Variants in LINGO2 observed in about 807,000 individuals in gnomAD.
The protein encoded by LINGO2 is leucine-rich repeat and immunoglobulin-like domain-containing nogo receptor-interacting protein 2.
Under a neutral mutation model 30.6 loss-of-function variants are expected in LINGO2, and 14 were observed. The ratio of observed to expected loss-of-function variants is 0.46; its 90% CI spans 0.30 to 0.72. The LOEUF (loss-of-function observed/expected upper bound fraction) is 0.72, where lower values mean the gene tolerates loss of function less well. LINGO2 is among the 30% of genes least tolerant of loss of function. LINGO2 has a pLI of 0.07. For missense variants in LINGO2, 729 were observed against 751.7 expected (o/e 0.97, Z 0.35); for synonymous variants, 317 against 288.5 (o/e 1.10, Z -1.00).
the LINGO2 span, among the ~76,000 whole-genome samples, chr9:28,989,127 C>T: frequency 6.6e-6 from 1 of 152,096 alleles, no homozygotes; most frequent in Non-Finnish European, 1.5e-5. Context: ...TTATTTTCAC[C>T]ACCAGTACCT....
At chr9:29,162,425 G>T in the LINGO2 span, among the ~76,000 whole-genome samples, 3 of 152,122 alleles carry the variant, frequency 2.0e-5, no homozygotes, top group Non-Finnish European at 4.4e-5. Context: ...ATAACCTTCT[G>T]TAATAGGTTA....
At chr9:28,601,416 G>A (rs996733328) in intron 1 of LINGO2, among the ~76,000 whole-genome samples, 21 of 152,008 alleles carry the variant, frequency 1.4e-4, no homozygotes, top group Admixed American at 5.3e-4. Flanking sequence ...TTACTTCTGC[G>A]GTCTCTTGTT....
Position 28,559,909 on chromosome 9 carries a change from G to T in LINGO2, c.-364-83884C>A, listed in dbSNP as rs956013805. 8.4e-4 allele frequency among the ~76,000 whole-genome samples: 128 copies of T among 152,032 alleles called. 2 individuals carry two copies. Among genetic ancestry groups the T allele is most frequent in the Non-Finnish European group, 1.9e-4 (13 of 67,984 alleles). Reference sequence around the variant, plus strand: ...ATAATCCAGGGACTTACTTTCACCAGCTTAAAAATACTATAAAATCATCCT... The same window carrying T: ...ATAATCCAGGGACTTACTTTCACCATCTTAAAAATACTATAAAATCATCCT... On this transcript the variant is annotated intron_variant, in intron 1 of 5. Coordinates refer to ENST00000379992, the Ensembl canonical transcript of LINGO2.
At chr9:28,244,501 A>C (rs1388221956) in intron 4 of LINGO2, among the ~76,000 whole-genome samples, 1 of 152,166 alleles carries the variant, frequency 6.6e-6, no homozygotes, top group Non-Finnish European at 1.5e-5. Context: ...CCTTCAAAAA[A>C]TTAGTGAATC....
At chr9:28,884,920 TATATATAATATTATATATA>T in the LINGO2 span, among the ~76,000 whole-genome samples, 10,376 of 33,670 alleles carry the variant, frequency 0.31, 2,026 homozygotes, top group Middle Eastern at 0.45. Flanking sequence ...ATTTAGATAC[TATATATAATATTATATATA>T]ATATATATAA....
At chr9:28,000,609 A>C (rs1168984940) in intron 5 of LINGO2, among the ~76,000 whole-genome samples, 2 of 152,204 alleles carry the variant, frequency 1.3e-5, no homozygotes, top group Non-Finnish European at 2.9e-5. Context: ...CACCATATTC[A>C]ATCAGACAAA....
At chr9:28,518,079 T>G (rs1195731491) in intron 1 of LINGO2, among the ~76,000 whole-genome samples, 3 of 152,102 alleles carry the variant, frequency 2.0e-5, no homozygotes. Flanking sequence ...ATGTGATGTA[T>G]GGAGCAGAGT....
the LINGO2 span, among the ~76,000 whole-genome samples, chr9:29,058,001 G>T: frequency 2.0e-5 from 3 of 151,936 alleles, no homozygotes; most frequent in African/African-American, 7.3e-5. Flanking sequence ...AATAATCTAC[G>T]CAGAAATACA....
intron 4 of LINGO2, among the ~76,000 whole-genome samples, chr9:28,285,341 A>C (rs570175616): frequency 6.6e-6 from 1 of 151,684 alleles, no homozygotes; most frequent in South Asian, 2.1e-4. Context: ...GTCACTACCA[A>C]TATCTCCATA....
In LINGO2 at chr9:28,271,703, A is replaced by T. The variant is rs1344098850; in HGVS notation, c.-87+23505T>A. On this transcript the variant is annotated intron_variant, in intron 4 of 5. Transcript: ENST00000379992. ...CTTCATGTGGTATTCTGAATGGTGA[A>T]GAAGGAAGTCAAACGTGGCTGTACC... Among the ~76,000 whole-genome samples the T allele has an allele frequency of 2.0e-5, 3 of 152,148 alleles. No individual in the cohort carries two copies. In the East Asian group the frequency reaches 5.8e-4, roughly 29 times the overall value.
the LINGO2 span, among the ~76,000 whole-genome samples, chr9:28,777,273 T>G: frequency 6.6e-6 from 1 of 152,166 alleles, no homozygotes; most frequent in Admixed American, 6.5e-5. Context: ...GTTGAACAAT[T>G]GAGACTGAAT....
At chr9:28,670,922 G>A (rs1413380018), upstream of LINGO2, among the ~76,000 whole-genome samples, 1 of 151,992 alleles carries the variant, frequency 6.6e-6, no homozygotes, top group Non-Finnish European at 1.5e-5. Context: ...AGTATATACA[G>A]TATAAAATTA....
At chr9:28,545,517 T>C (rs79669666) in intron 1 of LINGO2, among the ~76,000 whole-genome samples, 1,675 of 152,078 alleles carry the variant, frequency 0.011, 45 homozygotes, top group East Asian at 0.096. Flanking sequence ...CTATAATATA[T>C]GGGAAGGTAC....
At chr9:28,098,213 A>T (rs927852613) in intron 4 of LINGO2, among the ~76,000 whole-genome samples, 18 of 151,998 alleles carry the variant, frequency 1.2e-4, no homozygotes, top group African/African-American at 4.3e-4. Flanking sequence ...GCTGAGGCAG[A>T]AGAATCGCTT....
At chr9:27,949,457 A>C in exon 6 of LINGO2, 1 of 1,614,080 alleles carries the variant, frequency 6.2e-7, no homozygotes, top group South Asian at 1.1e-5. Context: ...TTTTGCAGGT[A>C]AAGTAAAAAG....
At chr9:29,120,034 C>G in the LINGO2 span, among the ~76,000 whole-genome samples, 1 of 152,174 alleles carries the variant, frequency 6.6e-6, no homozygotes, top group East Asian at 1.9e-4. Context: ...ACTGATTGAA[C>G]CAGGTTGGAG....
chr9:28,325,911 A>G (rs1267928181), intron 3 of LINGO2, among the ~76,000 whole-genome samples: 2 of 152,096 alleles, frequency 1.3e-5, no homozygotes, highest in East Asian at 3.9e-4. Flanking sequence ...GTTGAGCTCA[A>G]TCTCTCTCCC....
intron 4 of LINGO2, among the ~76,000 whole-genome samples, chr9:28,100,661 C>T (rs917042233): frequency 6.6e-6 from 1 of 152,148 alleles, no homozygotes; most frequent in African/African-American, 2.4e-5. Context: ...TAACACAGAA[C>T]CAAAGCATAA....
the LINGO2 span, among the ~76,000 whole-genome samples, chr9:29,007,566 C>T: frequency 6.6e-6 from 1 of 152,126 alleles, no homozygotes; most frequent in South Asian, 2.1e-4. Context: ...GCCTTTTTTT[C>T]TGGAACCCTG....
Sources: allele counts gnomAD v4.1 joint callset (sites outside exome capture counted in the v4.1 genomes callset), GRCh38; gene constraint gnomAD v4.1.1; transcripts MANE v1.5; gene names NCBI Gene and HGNC (gene_info 2026-07-23, HGNC 2026-07-21).